Variants in AJAP1 observed in about 807,000 individuals in gnomAD.
AJAP1 encodes the protein adherens junction-associated protein 1.
A neutral mutation model predicts 35.0 loss-of-function variants in AJAP1; 5 were observed. The observed-to-expected ratio is 0.14, with a 90% confidence interval of 0.07 to 0.30. AJAP1 has a LOEUF of 0.30. Among genes scored for constraint, AJAP1 ranks in the 10% least tolerant of loss-of-function variants. AJAP1 has a pLI of 1.00. For synonymous variants in AJAP1, 284 were observed against 249.3 expected (o/e 1.14, Z -1.31); for missense variants, 586 against 571.0 (o/e 1.03, Z -0.27).
Position 4,774,642 on chromosome 1 carries a change from T to C in AJAP1, c.*59+84T>C. Reference sequence around the variant, plus strand: ...CCTCCCCTGCACTCTTTGGGATCACTGGGAGCTCTTTTAGACATGGCGGGT... The same window carrying C: ...CCTCCCCTGCACTCTTTGGGATCACCGGGAGCTCTTTTAGACATGGCGGGT... On this transcript the variant is annotated intron_variant, in intron 5 of 5. Coordinates refer to ENST00000378191, the MANE Select transcript of AJAP1 (RefSeq NM_018836.4). The C allele has an allele frequency of 5.3e-6, 4 of 758,966 alleles. No individual in the cohort carries two copies. The South Asian group carries it at 6.7e-5, about 13-fold the overall frequency. 47.0% of individuals were successfully genotyped at this position (758,966 alleles called of 1,614,324 possible).
intron 2 of AJAP1, among the ~76,000 whole-genome samples, chr1:4,714,284 A>G (rs1570147144): frequency 6.6e-6 from 1 of 152,296 alleles, no homozygotes; most frequent in Non-Finnish European, 1.5e-5. Flanking sequence ...GCTTCCTCCC[A>G]TGCAGCCTCT....
intron 1 of AJAP1, among the ~76,000 whole-genome samples, chr1:4,704,618 C>A (rs1370635101): frequency 6.6e-6 from 1 of 152,052 alleles, no homozygotes; most frequent in Admixed American, 6.5e-5. Flanking sequence ...AATAAACATA[C>A]GTGTGCATGT....
chr1:4,733,077 T>A (rs3766965), intron 2 of AJAP1, among the ~76,000 whole-genome samples: 31,102 of 152,034 alleles, frequency 0.2, 3,973 homozygotes, highest in African/African-American at 0.35. Flanking sequence ...TGCTTATTTT[T>A]GCCTCAAGAA....
At chr1:4,663,310 A>G (rs1325694563) in intron 1 of AJAP1, among the ~76,000 whole-genome samples, 1 of 151,866 alleles carries the variant, frequency 6.6e-6, no homozygotes, top group Non-Finnish European at 1.5e-5. Context: ...AGGCAGGGCC[A>G]GGGTCATAGG....
At chr1:4,696,605 C>G (rs79829446) in intron 1 of AJAP1, among the ~76,000 whole-genome samples, 5,747 of 152,332 alleles carry the variant, frequency 0.038, 169 homozygotes, top group Non-Finnish European at 0.052. Context: ...GTGGCCAAGG[C>G]GGTGGGATTT....
intron 1 of AJAP1, among the ~76,000 whole-genome samples, chr1:4,658,403 C>T (rs958447403): frequency 2.6e-5 from 4 of 152,216 alleles, no homozygotes; most frequent in Non-Finnish European, 5.9e-5. Flanking sequence ...TTGGCTGTCA[C>T]CATCCTCGCT....
rs943061952 is a variant in AJAP1, at chr1:4,720,688, A to G, written c.829+7989A>G. On this transcript the variant is annotated intron_variant, in intron 2 of 5. Transcript: ENST00000378191. The surrounding 1 kb of genome is among the most constrained non-coding windows in gnomAD (Gnocchi z 4.4). ...CTAGAGTTGAGTCAGGTCTTAAAAG[A>G]TGCACGAAGCCCACCTCACCGGTGG... Among the ~76,000 whole-genome samples, 1 of 152,202 alleles carries G rather than the reference A, an allele frequency of 6.6e-6. No homozygotes were observed.
chr1:4,719,095 A>C (rs556167260), intron 2 of AJAP1, among the ~76,000 whole-genome samples: 1 of 152,192 alleles, frequency 6.6e-6, no homozygotes, highest in Non-Finnish European at 1.5e-5. Context: ...CATGATTGCC[A>C]TCCGCTCACA....
At chr1:4,760,632 C>T (rs1054637942) in intron 2 of AJAP1, among the ~76,000 whole-genome samples, 3 of 152,196 alleles carry the variant, frequency 2.0e-5, no homozygotes, top group African/African-American at 4.8e-5. Flanking sequence ...TCTGTTGGGC[C>T]GCATTCTCTG....
At chr1:4,689,839 C>T (rs1031629663) in intron 1 of AJAP1, among the ~76,000 whole-genome samples, 5 of 152,174 alleles carry the variant, frequency 3.3e-5, no homozygotes, top group African/African-American at 9.7e-5. Context: ...CGCCCCCTCT[C>T]GCGGATGCCC....
chr1:4,760,590 C>T (rs983240204), intron 2 of AJAP1, among the ~76,000 whole-genome samples: 1 of 152,218 alleles, frequency 6.6e-6, no homozygotes, highest in African/African-American at 2.4e-5. Context: ...CCACATTTCC[C>T]GGCCACGATG....
chr1:4,708,000 A>C (rs1570137146), intron 1 of AJAP1, among the ~76,000 whole-genome samples: 1 of 133,284 alleles, frequency 7.5e-6, no homozygotes, highest in Non-Finnish European at 1.6e-5. Context: ...ACGCAGTCTC[A>C]CTCCATCTCC....
At position 4,692,030 on chromosome 1, in the gene AJAP1, G is replaced by A. The variant is rs927008417; in HGVS notation, c.30-19870G>A. On this transcript the variant is annotated intron_variant, in intron 1 of 5. Coordinates refer to ENST00000378191, the MANE Select transcript of AJAP1 (RefSeq NM_018836.4). This position sits in a 1 kb window ranked among gnomAD's most constrained non-coding sequence, Gnocchi z 4.4. ...CCAAGAACAGCCTTTGCCCCAGGCC[G>A]GGTGTCCCTGAGACTGGCCGAGGCC... 1.4e-4 allele frequency among the ~76,000 whole-genome samples: 22 copies of A among 152,188 alleles called. No homozygotes were observed. The highest frequency in any genetic ancestry group is 2.0e-4 in the Admixed American group (3 of 15,288).
At chr1:4,772,713 G>A (rs1422566655) in intron 4 of AJAP1, among the ~76,000 whole-genome samples, 188 bp downstream of exon 4, 3 of 152,238 alleles carry the variant, frequency 2.0e-5, no homozygotes, top group South Asian at 2.1e-4. Flanking sequence ...AGCAACAGGC[G>A]TTTAGCTGCT....
At chr1:4,702,518 A>G (rs1322397423) in intron 1 of AJAP1, among the ~76,000 whole-genome samples, 2 of 152,214 alleles carry the variant, frequency 1.3e-5, no homozygotes, top group African/African-American at 4.8e-5. Context: ...ACCCTTCGTG[A>G]AGGTTCACAA....
intron 2 of AJAP1, among the ~76,000 whole-genome samples, chr1:4,765,855 G>A (rs1263253962): frequency 6.6e-6 from 1 of 152,156 alleles, no homozygotes; most frequent in East Asian, 1.9e-4. Context: ...CCAGCAGGGT[G>A]AGGCCACTGC....
rs36004956 is a variant in AJAP1 at position 4,783,521 on chromosome 1, GTATATA to G, written c.*1054_*1059del. On this transcript the variant is annotated 3_prime_UTR_variant, in exon 6 of 6. Coordinates refer to ENST00000378191, the MANE Select transcript of AJAP1 (RefSeq NM_018836.4). ...TATATATATATATATGTTTGTGTGT[GTATATA>G]TATATATATATATATATGTTTGTGT... 76 of 120,424 alleles carry G rather than the reference GTATATA, an allele frequency of 6.3e-4. No homozygotes were observed. The highest frequency in any genetic ancestry group is 8.8e-4 in the African/African-American group (28 of 31,704). 7.5% of individuals were successfully genotyped at this position (120,424 alleles called of 1,614,324 possible). A position where few individuals can be genotyped will look rare whatever the true frequency, so the allele number is the denominator to read the frequency against.
chr1:4,702,629 G>C (rs1186897407), intron 1 of AJAP1, among the ~76,000 whole-genome samples: 2 of 152,178 alleles, frequency 1.3e-5, no homozygotes, highest in African/African-American at 2.4e-5. Context: ...GCGTCCTGGG[G>C]CTCCCGGTGA....
At chr1:4,740,646 T>C (rs1429924876) in intron 2 of AJAP1, among the ~76,000 whole-genome samples, 3 of 150,638 alleles carry the variant, frequency 2.0e-5, no homozygotes, top group Non-Finnish European at 4.4e-5. Context: ...ATTAGCCGGG[T>C]GTGGTGGCGG....
Sources: allele counts gnomAD v4.1 joint callset (sites outside exome capture counted in the v4.1 genomes callset), GRCh38; gene constraint gnomAD v4.1.1; non-coding constraint Gnocchi (gnomAD v3.1); transcripts MANE v1.5; gene names NCBI Gene and HGNC (gene_info 2026-07-23, HGNC 2026-07-21).